RGS6: variants seen among roughly 807,000 people sequenced by gnomAD.
RGS6 encodes regulator of G-protein signaling 6.
Under a neutral mutation model 78.5 loss-of-function variants are expected in RGS6, and 30 were observed. The observed-to-expected ratio is 0.38, with a 90% CI of 0.29 to 0.52. The LOEUF is 0.52. Among genes scored for constraint, RGS6 ranks in the 20% least tolerant of loss-of-function variants. The pLI is 0.85. For synonymous variants in RGS6, 206 were observed against 206.0 expected (o/e 1.00, Z 0.00); for missense variants, 495 against 609.7 (o/e 0.81, Z 1.98).
intron 2 of RGS6, among the ~76,000 whole-genome samples, chr14:72,182,655 G>C (rs1194924525): frequency 6.6e-6 from 1 of 152,130 alleles, no homozygotes; most frequent in Non-Finnish European, 1.5e-5. Context: ...TGGTTCACAT[G>C]AGAGCAAATG....
At chr14:72,588,807 G>C in the RGS6 span, among the ~76,000 whole-genome samples, 1 of 152,176 alleles carries the variant, frequency 6.6e-6, no homozygotes, top group Admixed American at 6.6e-5. Flanking sequence ...AAAGAAATGG[G>C]AACTTCCACA....
At chr14:72,052,945 CTT>C (rs1304346453) in intron 2 of RGS6, among the ~76,000 whole-genome samples, 1 of 33,460 alleles carries the variant, frequency 3.0e-5, no homozygotes, top group African/African-American at 2.3e-4. Flanking sequence ...TTCTTTCTTT[CTT>C]TCTTTCTTTC....
intron 2 of RGS6, among the ~76,000 whole-genome samples, chr14:72,269,091 T>C (rs1340034107): frequency 6.6e-6 from 1 of 152,116 alleles, no homozygotes; most frequent in East Asian, 1.9e-4. Flanking sequence ...AATAAATCCC[T>C]GCTGGCTCTA....
chr14:72,205,365 C>T (rs2042483626), intron 2 of RGS6, among the ~76,000 whole-genome samples: 1 of 152,238 alleles, frequency 6.6e-6, no homozygotes, highest in African/African-American at 2.4e-5. Context: ...GAAACAGTTA[C>T]TTCCCCTGGA....
chr14:72,467,520 T>C (rs58148070), intron 7 of RGS6, among the ~76,000 whole-genome samples: 13,350 of 152,100 alleles, frequency 0.088, 616 homozygotes, highest in Middle Eastern at 0.13. Flanking sequence ...AGCTGGGCCA[T>C]CGCTCCCCTC....
At chr14:72,426,431 G>A (rs1022144744) in intron 3 of RGS6, among the ~76,000 whole-genome samples, 1 of 152,108 alleles carries the variant, frequency 6.6e-6, no homozygotes, top group South Asian at 2.1e-4. Flanking sequence ...AAGGTGTAGA[G>A]CAAACTATTT....
At chr14:71,873,950 G>T in the RGS6 span, among the ~76,000 whole-genome samples, 3 of 152,156 alleles carry the variant, frequency 2.0e-5, no homozygotes, top group Admixed American at 1.3e-4. Flanking sequence ...TCAGATTGTT[G>T]TAGATGTGTG....
chr14:72,523,407 T>C (rs1394103691), intron 15 of RGS6, among the ~76,000 whole-genome samples: 1 of 152,182 alleles, frequency 6.6e-6, no homozygotes, highest in Admixed American at 6.5e-5. Context: ...CTGGGTGGCT[T>C]CCTCAGCTGG....
intron 2 of RGS6, among the ~76,000 whole-genome samples, chr14:72,086,865 C>T (rs184198390): frequency 2.1e-3 from 316 of 152,236 alleles, no homozygotes; most frequent in African/African-American, 7.3e-3. Flanking sequence ...AAGTTAAAAG[C>T]GAGTTTTCCT....
At chr14:72,454,050 G>GAATACATAGACGTTTCTGCC (rs1237681524) in intron 3 of RGS6, among the ~76,000 whole-genome samples, 6 of 152,360 alleles carry the variant, frequency 3.9e-5, no homozygotes, top group Non-Finnish European at 8.8e-5. Context: ...AGGTCTTGGT[G>GAATACATAGACGTTTCTGCC]AATACATAGA....
intron 6 of RGS6, among the ~76,000 whole-genome samples, chr14:72,464,933 G>A (rs1217254360): frequency 1.3e-5 from 2 of 152,226 alleles, no homozygotes; most frequent in Non-Finnish European, 2.9e-5. Context: ...TCAGCCTAGA[G>A]CAGGGGACAG....
rs908783667 is a variant in RGS6 at position 72,017,705 on chromosome 14, A to G, written c.84+52830A>G. ...TGGCTTTAAAAGGAGAGCTTGTGCC[A>G]CCAAGAATAAGTGCTGCTTCTGGGT... On this transcript the variant is annotated intron_variant, in intron 2 of 17. Coordinates refer to ENST00000553525, the MANE Select transcript of RGS6 (RefSeq NM_001204424.2). Among the ~76,000 whole-genome samples the G allele has an allele frequency of 2.6e-5, 4 of 152,132 alleles. No homozygotes were observed. In the South Asian group the frequency reaches 8.3e-4, roughly 32 times the overall value.
intron 2 of RGS6, among the ~76,000 whole-genome samples, chr14:72,157,196 C>G (rs1380735974): frequency 6.6e-6 from 1 of 152,152 alleles, no homozygotes; most frequent in African/African-American, 2.4e-5. Flanking sequence ...AACATTGTGC[C>G]TCAGCAGGAA....
chr14:72,362,055 AG>A (rs1273630241), intron 3 of RGS6, among the ~76,000 whole-genome samples: 1 of 152,178 alleles, frequency 6.6e-6, no homozygotes, highest in African/African-American at 2.4e-5. Flanking sequence ...GGCAAGTGGA[AG>A]GGTTTCAGGA....
intron 2 of RGS6, among the ~76,000 whole-genome samples, chr14:72,007,896 A>G (rs368668139): frequency 3.7e-4 from 56 of 152,296 alleles, no homozygotes; most frequent in Middle Eastern, 3.4e-3. Context: ...CTGGAAAGAA[A>G]AGAGACATAA....
At chr14:72,541,318 A>G (rs2097324113) in intron 17 of RGS6, 1 of 862,376 alleles carries the variant, frequency 1.2e-6, no homozygotes, top group African/African-American at 1.8e-5. Context: ...TGTCGTAGCT[A>G]GATGCATTTT....
the RGS6 span, among the ~76,000 whole-genome samples, chr14:72,574,308 T>C: frequency 6.6e-6 from 1 of 152,216 alleles, no homozygotes; most frequent in African/African-American, 2.4e-5. Flanking sequence ...CACAGTGTTC[T>C]GTGACTTTCC....
At chr14:72,025,557 G>A (rs899905577) in intron 2 of RGS6, among the ~76,000 whole-genome samples, 1 of 152,046 alleles carries the variant, frequency 6.6e-6, no homozygotes, top group African/African-American at 2.4e-5. Flanking sequence ...TTTCGGGTGG[G>A]GAGAGCCTCT....
intron 2 of RGS6, among the ~76,000 whole-genome samples, chr14:72,139,975 GA>G (rs1241815205): frequency 6.6e-6 from 1 of 152,170 alleles, no homozygotes; most frequent in Admixed American, 6.5e-5. Flanking sequence ...ACTTGTTAAA[GA>G]AACCGTTTAG....
Sources: allele counts gnomAD v4.1 joint callset (sites outside exome capture counted in the v4.1 genomes callset), GRCh38; gene constraint gnomAD v4.1.1; transcripts MANE v1.5; gene names NCBI Gene and HGNC (gene_info 2026-07-23, HGNC 2026-07-21).